KCNK10: variants seen among roughly 807,000 people sequenced by gnomAD.
KCNK10 encodes the protein potassium channel subfamily K member 10.
KCNK10 carries 25 observed loss-of-function variants against 47.7 expected under a neutral mutation model. The ratio of observed to expected loss-of-function variants is 0.52; its 90% CI spans 0.38 to 0.73. The LOEUF (loss-of-function observed/expected upper bound fraction) is 0.73, where lower values mean the gene tolerates loss of function less well. Ranked by LOEUF, KCNK10 falls within the 30% of genes least tolerant of loss-of-function variation. The pLI, the probability that KCNK10 is intolerant of heterozygous loss-of-function variation, is 0.00. For synonymous variants in KCNK10, 303 were observed against 285.6 expected, an observed-to-expected ratio of 1.06 and a Z score of -0.61; for missense variants, 563 against 714.5, an observed-to-expected ratio of 0.79 and a Z score of 2.42.
At chr14:88,250,241 CA>C (rs1475020333) in intron 2 of KCNK10, among the ~76,000 whole-genome samples, 1 of 152,132 alleles carries the variant, frequency 6.6e-6, no homozygotes, top group African/African-American at 2.4e-5. Flanking sequence ...GTGATGAAAT[CA>C]ATAACCCCAG....
chr14:88,220,056 T>C (rs1885747578), intron 4 of KCNK10, among the ~76,000 whole-genome samples: 1 of 152,154 alleles, frequency 6.6e-6, no homozygotes, highest in African/African-American at 2.4e-5. Context: ...TAAAAGGAGC[T>C]GATGTCAACA....
intron 2 of KCNK10, among the ~76,000 whole-genome samples, chr14:88,259,666 A>C (rs765968700): frequency 1.3e-5 from 2 of 152,208 alleles, no homozygotes; most frequent in Non-Finnish European, 2.9e-5. Context: ...CATGTTGTCC[A>C]GACTGGTCTC....
At chr14:88,288,918 G>A (rs1887823071) in intron 1 of KCNK10, among the ~76,000 whole-genome samples, 1 of 152,112 alleles carries the variant, frequency 6.6e-6, no homozygotes, top group African/African-American at 2.4e-5. Context: ...CTCCCCTCCA[G>A]TCTCTTCCTA....
At chr14:88,291,228 G>A (rs56345162) in intron 1 of KCNK10, among the ~76,000 whole-genome samples, 2 of 151,926 alleles carry the variant, frequency 1.3e-5, no homozygotes, top group East Asian at 1.9e-4. Flanking sequence ...CCCGCCCCTC[G>A]TTCCCCACCA....
At chr14:88,301,478 T>A (rs1054641295) in intron 1 of KCNK10, among the ~76,000 whole-genome samples, 2 of 152,120 alleles carry the variant, frequency 1.3e-5, no homozygotes, top group Admixed American at 6.6e-5. Flanking sequence ...AGAACTTTTT[T>A]TCAAAGAGTT....
intron 3 of KCNK10, chr14:88,235,289 T>C (rs1396643300): frequency 2.2e-6 from 1 of 455,562 alleles, no homozygotes; most frequent in East Asian, 6.9e-5. Flanking sequence ...TGGGGCCAGG[T>C]ATTTTAAAAA....
At chr14:88,275,785 T>G (rs1887514538) in intron 1 of KCNK10, among the ~76,000 whole-genome samples, 1 of 151,678 alleles carries the variant, frequency 6.6e-6, no homozygotes, top group Non-Finnish European at 1.5e-5. Context: ...GAGAATGGCT[T>G]GAACCTAGGA....
At chr14:88,277,980 G>A (rs1322167151) in intron 1 of KCNK10, among the ~76,000 whole-genome samples, 1 of 152,120 alleles carries the variant, frequency 6.6e-6, no homozygotes, top group African/African-American at 2.4e-5. Context: ...GTATAAAAAG[G>A]GCTCGATTAA....
At chr14:88,252,725 C>T (rs552133031) in intron 2 of KCNK10, among the ~76,000 whole-genome samples, 11 of 152,234 alleles carry the variant, frequency 7.2e-5, no homozygotes, top group South Asian at 2.1e-4. Flanking sequence ...AGGCCCAATG[C>T]GCACAGCCAA....
Position 88,186,780 on chromosome 14 carries a change from C to A in KCNK10, c.1012-625G>T, listed in dbSNP as rs763700913. Among the ~76,000 whole-genome samples, 7 of 152,186 alleles carry A rather than the reference C, an allele frequency of 4.6e-5. No individual in the cohort carries two copies. The highest frequency in any genetic ancestry group is 8.8e-5 in the Non-Finnish European group (6 of 68,026). Reference sequence around the variant, plus strand: ...ATCTGGGCCATGCTATGGTCATGTGCTGTGGGGCTTTCCCTGGTTTAAGAA... The same window carrying A: ...ATCTGGGCCATGCTATGGTCATGTGATGTGGGGCTTTCCCTGGTTTAAGAA... On this transcript the variant is annotated intron_variant, in intron 6 of 6. Transcript: ENST00000319231. This position sits in a 1 kb window ranked among gnomAD's most constrained non-coding sequence, Gnocchi z 5.5.
Position 88,323,126 on chromosome 14 carries a change from G to T in KCNK10, c.-328C>A, listed in dbSNP as rs1254389464. ...GGAAGAGCCAAGCTGCTTCCCAAAAGCGGTGCCGGCAGGTTAGGGGCTGCG... is the reference window on the plus strand; with the variant it reads ...GGAAGAGCCAAGCTGCTTCCCAAAATCGGTGCCGGCAGGTTAGGGGCTGCG... On this transcript the variant is annotated 5_prime_UTR_variant, in exon 1 of 7. Coordinates refer to ENST00000319231, the MANE Select transcript of KCNK10 (RefSeq NM_138317.3). The T allele has an allele frequency of 1.7e-6, 2 of 1,171,802 alleles. No homozygotes were observed. The highest frequency in any genetic ancestry group is 1.6e-5 in the African/African-American group (1 of 63,026). The allele number at this position is 1,171,802 out of a possible 1,614,324, so 72.6% of individuals were successfully genotyped here.
At chr14:88,317,399 C>T (rs1279792101) in intron 1 of KCNK10, among the ~76,000 whole-genome samples, 1 of 152,196 alleles carries the variant, frequency 6.6e-6, no homozygotes, top group African/African-American at 2.4e-5. Flanking sequence ...TTCACCTGAG[C>T]TCATAGAATG....
chr14:88,199,209 C>T (rs566171850), intron 4 of KCNK10, among the ~76,000 whole-genome samples: 1 of 152,084 alleles, frequency 6.6e-6, no homozygotes, highest in Non-Finnish European at 1.5e-5. Context: ...CGTGAGCCAC[C>T]GTGCCCGGCC....
At chr14:88,211,146 A>G (rs943329081) in intron 4 of KCNK10, among the ~76,000 whole-genome samples, 3 of 152,354 alleles carry the variant, frequency 2.0e-5, no homozygotes, top group East Asian at 1.9e-4. Context: ...AATGTGGTAT[A>G]TACAGACAGG....
At chr14:88,284,345 G>A (rs1887718755) in intron 1 of KCNK10, among the ~76,000 whole-genome samples, 1 of 152,106 alleles carries the variant, frequency 6.6e-6, no homozygotes, top group Non-Finnish European at 1.5e-5. Flanking sequence ...GGGCTCTCGA[G>A]AAAGACAGAA....
chr14:88,253,497 TATAGGTC>T, intron 2 of KCNK10, among the ~76,000 whole-genome samples: 1 of 152,294 alleles, frequency 6.6e-6, no homozygotes, highest in East Asian at 1.9e-4. Flanking sequence ...ATACAATTAT[TATAGGTC>T]ATTTTTAATT....
At chr14:88,207,146 G>A (rs1176343262) in intron 4 of KCNK10, among the ~76,000 whole-genome samples, 2 of 143,342 alleles carry the variant, frequency 1.4e-5, no homozygotes, top group Non-Finnish European at 3.0e-5. Flanking sequence ...TACAATACTA[G>A]TTTCGATTTC....
chr14:88,226,846 C>A (rs1467298125), intron 4 of KCNK10, among the ~76,000 whole-genome samples: 5 of 152,134 alleles, frequency 3.3e-5, no homozygotes, highest in Admixed American at 3.3e-4. Context: ...CATCAGGATG[C>A]CATTTCTGAG....
At chr14:88,283,520 AAT>A (rs1350932406) in intron 1 of KCNK10, among the ~76,000 whole-genome samples, 1 of 152,250 alleles carries the variant, frequency 6.6e-6, no homozygotes, top group East Asian at 1.9e-4. Context: ...AGCAATGTGG[AAT>A]ATGTCAGAGG....
Sources: gnomAD v4.1 joint callset for allele counts (sites outside exome capture counted in the v4.1 genomes callset) on GRCh38, gnomAD v4.1.1 for gene constraint, Gnocchi (gnomAD v3.1) non-coding constraint, MANE v1.5 for transcripts, NCBI Gene and HGNC (gene_info 2026-07-23, HGNC 2026-07-21) for gene names.